Variants in PLCL2 observed in about 807,000 individuals in gnomAD.
PLCL2 encodes inactive phospholipase C-like protein 2.
A neutral mutation model predicts 79.6 loss-of-function variants in PLCL2; 4 were observed. The observed-to-expected ratio is 0.05, with a 90% CI of 0.02 to 0.11. The LOEUF is 0.11. Ranked by LOEUF, PLCL2 falls within the 10% of genes least tolerant of loss-of-function variation. The pLI is 1.00. For missense variants in PLCL2, 895 were observed against 1,291.0 expected, an observed-to-expected ratio of 0.69 and a Z score of 4.70; for synonymous variants, 484 against 457.7, an observed-to-expected ratio of 1.06 and a Z score of -0.73.
In PLCL2 at chr3:17,053,258, G is replaced by A. The variant is rs1361507930; in HGVS notation, c.3094+10309G>A. ...TAGGTCTCAGGAAACTTACAATCAT[G>A]GCAGAAGGTGAAGGAGAAGCAGGCC... On this transcript the variant is annotated intron_variant, in intron 4 of 5. Coordinates refer to ENST00000615277, the MANE Select transcript of PLCL2 (RefSeq NM_001144382.2). Among the ~76,000 whole-genome samples, 3 of 141,284 alleles carry A rather than the reference G, an allele frequency of 2.1e-5. No homozygotes were observed. In the East Asian group the frequency reaches 6.4e-4, roughly 30 times the overall value. 92.7% of individuals were successfully genotyped at this position (141,284 alleles called of 152,430 possible).
At chr3:16,946,111 C>A (rs1575544865) in intron 1 of PLCL2, among the ~76,000 whole-genome samples, 2 of 152,116 alleles carry the variant, frequency 1.3e-5, no homozygotes, top group Admixed American at 6.5e-5. Context: ...CAAGAATCTT[C>A]CAGACTGAGG....
intron 1 of PLCL2, among the ~76,000 whole-genome samples, chr3:16,955,460 G>C (rs1430471243): frequency 1.3e-5 from 2 of 152,116 alleles, no homozygotes; most frequent in African/African-American, 4.8e-5. Flanking sequence ...GTCAGGTAGC[G>C]TGATGCCTCC....
intron 1 of PLCL2, among the ~76,000 whole-genome samples, chr3:16,896,475 T>C (rs553632463): frequency 2.9e-4 from 44 of 152,342 alleles, no homozygotes; most frequent in Admixed American, 2.5e-3. Context: ...GCTTGGAGTT[T>C]TTATGATTTG....
chr3:16,949,739 C>A (rs114131823), intron 1 of PLCL2, among the ~76,000 whole-genome samples: 1 of 152,054 alleles, frequency 6.6e-6, no homozygotes, highest in Non-Finnish European at 1.5e-5. Flanking sequence ...CACTGGGGCA[C>A]GCAAGTAATG....
At chr3:17,022,969 T>C (rs2064472493) in intron 3 of PLCL2, among the ~76,000 whole-genome samples, 1 of 152,192 alleles carries the variant, frequency 6.6e-6, no homozygotes, top group Non-Finnish European at 1.5e-5. Context: ...TCTCTCTGAC[T>C]TTCTCTCTTT....
At chr3:16,970,058 A>AT (rs139259596) in intron 1 of PLCL2, among the ~76,000 whole-genome samples, 1 of 145,756 alleles carries the variant, frequency 6.9e-6, no homozygotes, top group African/African-American at 2.5e-5. Context: ...ATATATATAT[A>AT]TTTTATTTTA....
intron 5 of PLCL2, among the ~76,000 whole-genome samples, chr3:17,085,040 T>C (rs527380404): frequency 6.6e-6 from 1 of 152,170 alleles, no homozygotes; most frequent in African/African-American, 2.4e-5. Flanking sequence ...TCCAAAAGAA[T>C]TGACAAAAAA....
intron 4 of PLCL2, among the ~76,000 whole-genome samples, chr3:17,065,046 T>C (rs1418502214): frequency 1.3e-5 from 2 of 151,860 alleles, no homozygotes; most frequent in East Asian, 3.9e-4. Context: ...GGATTCTGAG[T>C]TTTTTATTTT....
intron 1 of PLCL2, among the ~76,000 whole-genome samples, chr3:16,973,147 C>T (rs2063891001): frequency 6.6e-6 from 1 of 152,076 alleles, no homozygotes; most frequent in Admixed American, 6.6e-5. Context: ...TTAAGCACTC[C>T]CTTAAGGACC....
At chr3:16,893,582 T>C (rs1230677751) in intron 1 of PLCL2, among the ~76,000 whole-genome samples, 1 of 152,214 alleles carries the variant, frequency 6.6e-6, no homozygotes, top group Non-Finnish European at 1.5e-5. Flanking sequence ...AATTCTTTTG[T>C]AGTTAGAGAT....
At chr3:17,045,701 A>G (rs2064773112) in intron 4 of PLCL2, among the ~76,000 whole-genome samples, 2 of 152,214 alleles carry the variant, frequency 1.3e-5, no homozygotes, top group Admixed American at 6.5e-5. Flanking sequence ...CTAGGAGTAT[A>G]TAAACGACCC....
At chr3:16,913,082 CT>C (rs1258815104) in intron 1 of PLCL2, among the ~76,000 whole-genome samples, 1 of 152,132 alleles carries the variant, frequency 6.6e-6, no homozygotes, top group Non-Finnish European at 1.5e-5. Flanking sequence ...CTATGATACC[CT>C]TTGCTCTGAG....
intron 1 of PLCL2, among the ~76,000 whole-genome samples, chr3:16,912,168 A>G (rs1696897466): frequency 6.6e-6 from 1 of 152,202 alleles, no homozygotes; most frequent in Admixed American, 6.5e-5. Context: ...GTTTAATGCA[A>G]CCATTAAATT....
intron 4 of PLCL2, among the ~76,000 whole-genome samples, chr3:17,046,865 A>G (rs536132715): frequency 1.3e-4 from 20 of 152,248 alleles, no homozygotes; most frequent in South Asian, 8.3e-4. Context: ...GGTTAAAGCT[A>G]GTTATAAAAG....
In PLCL2 at chr3:16,887,809, GAATA is replaced by G. The variant is rs760974967; in HGVS notation, c.327+2446_327+2449del. Among the ~76,000 whole-genome samples the G allele has an allele frequency of 1.3e-5, 2 of 151,550 alleles. No individual in the cohort carries two copies. Among genetic ancestry groups the G allele is most frequent in the African/African-American group, 4.9e-5 (2 of 41,168 alleles). Reference sequence around the variant, plus strand: ...TTTCACTTTTGTTTAAAAAAAAAAAGAATAAAAAGCTAAAGCAGAAGCCCATGTG... The same window carrying G: ...TTTCACTTTTGTTTAAAAAAAAAAAGAAAAGCTAAAGCAGAAGCCCATGTG... On this transcript the variant is annotated intron_variant, in intron 1 of 5. Coordinates refer to ENST00000615277, the MANE Select transcript of PLCL2 (RefSeq NM_001144382.2). This position sits in a 1 kb window ranked among gnomAD's most constrained non-coding sequence, Gnocchi z 4.1.
chr3:17,051,023 A>G (rs2064833520), intron 4 of PLCL2, among the ~76,000 whole-genome samples: 2 of 152,218 alleles, frequency 1.3e-5, no homozygotes, highest in Admixed American at 1.3e-4. Flanking sequence ...CATTATGTTA[A>G]GTGGAATAAG....
intron 5 of PLCL2, among the ~76,000 whole-genome samples, chr3:17,088,922 G>GA (rs1400625516): frequency 1.3e-5 from 2 of 152,168 alleles, no homozygotes; most frequent in Non-Finnish European, 1.5e-5. Flanking sequence ...TTGATGGTCA[G>GA]ACCTCAGAAA....
At chr3:16,936,307 G>A (rs1485237314) in intron 1 of PLCL2, among the ~76,000 whole-genome samples, 2 of 152,166 alleles carry the variant, frequency 1.3e-5, no homozygotes, top group East Asian at 1.9e-4. Context: ...GGAATCTGGC[G>A]ATAGGACTGT....
At chr3:16,909,010 T>G (rs1435469099) in intron 1 of PLCL2, among the ~76,000 whole-genome samples, 2 of 152,170 alleles carry the variant, frequency 1.3e-5, no homozygotes, top group Admixed American at 1.3e-4. Context: ...TCCCGTATTA[T>G]AAAAGTAGTG....
Sources: allele counts gnomAD v4.1 joint callset (sites outside exome capture counted in the v4.1 genomes callset), GRCh38; gene constraint gnomAD v4.1.1; non-coding constraint Gnocchi (gnomAD v3.1); transcripts MANE v1.5; gene names NCBI Gene and HGNC (gene_info 2026-07-23, HGNC 2026-07-21).